The following MGMT variants were observed in gnomAD, a reference collection of about 807,000 sequenced individuals.
MGMT encodes O-6-methylguanine-DNA methyltransferase, also known as methylated-DNA--protein-cysteine methyltransferase.
Under a neutral mutation model 15.9 loss-of-function variants are expected in MGMT, and 14 were observed. That is an observed-to-expected ratio of 0.88 (90% confidence interval 0.58 to 1.37). The LOEUF is 1.37. Among genes scored for constraint, MGMT ranks in the 40% most tolerant of loss-of-function variants. The pLI, the probability that MGMT is intolerant of heterozygous loss-of-function variation, is 0.00. For missense variants in MGMT, 282 were observed against 268.1 expected (o/e 1.05, Z -0.36); for synonymous variants, 130 against 118.2 (o/e 1.10, Z -0.65).
At chr10:129,506,979 C>T (rs980243075) in intron 1 of MGMT, among the ~76,000 whole-genome samples, 1 of 152,180 alleles carries the variant, frequency 6.6e-6, no homozygotes, top group Non-Finnish European at 1.5e-5. Context: ...TTCACTCTGC[C>T]ACTTAGGGGC....
intron 1 of MGMT, among the ~76,000 whole-genome samples, chr10:129,474,606 G>C (rs1845269113): frequency 6.6e-6 from 1 of 152,198 alleles, no homozygotes; most frequent in African/African-American, 2.4e-5. Context: ...GCGTTCAGGC[G>C]AGGATGGCAG....
intron 1 of MGMT, among the ~76,000 whole-genome samples, chr10:129,512,256 C>G (rs1005590864): frequency 6.6e-6 from 1 of 152,288 alleles, no homozygotes; most frequent in African/African-American, 2.4e-5. Flanking sequence ...GTACTGCTTG[C>G]TTCTTGTTTT....
At chr10:129,625,006 T>A (rs1006888421) in intron 2 of MGMT, among the ~76,000 whole-genome samples, 3 of 152,126 alleles carry the variant, frequency 2.0e-5, no homozygotes, top group African/African-American at 7.2e-5. Flanking sequence ...GTCGTAAAAA[T>A]TTTCAAAATT....
chr10:129,496,262 G>A (rs528993939), intron 1 of MGMT, among the ~76,000 whole-genome samples: 4 of 152,092 alleles, frequency 2.6e-5, no homozygotes, highest in Admixed American at 2.0e-4. Context: ...GATGGACTTC[G>A]TTCCATCCCG....
chr10:129,704,572 G>C (rs1467722878), intron 2 of MGMT, among the ~76,000 whole-genome samples: 2 of 152,120 alleles, frequency 1.3e-5, no homozygotes, highest in African/African-American at 4.8e-5. Flanking sequence ...AGCCGGCTCT[G>C]CTGGGCTTGG....
intron 2 of MGMT, among the ~76,000 whole-genome samples, chr10:129,581,660 A>G (rs569924438): frequency 6.6e-6 from 1 of 152,324 alleles, no homozygotes; most frequent in South Asian, 2.1e-4. Flanking sequence ...TTCTTTAAAA[A>G]ACAAAACAGA....
intron 2 of MGMT, among the ~76,000 whole-genome samples, chr10:129,695,037 C>T (rs948580002): frequency 3.9e-5 from 6 of 152,138 alleles, no homozygotes; most frequent in African/African-American, 1.2e-4. Context: ...TGCCAGAAAG[C>T]GTGTTTTAAG....
At chr10:129,723,211 G>T (rs989674529) in intron 3 of MGMT, among the ~76,000 whole-genome samples, 2 of 151,942 alleles carry the variant, frequency 1.3e-5, no homozygotes, top group Admixed American at 6.6e-5. Context: ...GAGATTTTGT[G>T]CACCCATTAC....
At chr10:129,476,129 C>T (rs1045853202) in intron 1 of MGMT, among the ~76,000 whole-genome samples, 14 of 152,158 alleles carry the variant, frequency 9.2e-5, no homozygotes, top group Admixed American at 3.3e-4. Context: ...CAGAAGCAGT[C>T]GTTGAATTTT....
chr10:129,583,307 A>T (rs1846579039), intron 2 of MGMT, among the ~76,000 whole-genome samples: 1 of 152,214 alleles, frequency 6.6e-6, no homozygotes, highest in African/African-American at 2.4e-5. Flanking sequence ...ATAAAGACCC[A>T]TTATCATCAG....
chr10:129,486,023 C>T (rs1845404981), intron 1 of MGMT, among the ~76,000 whole-genome samples: 1 of 152,166 alleles, frequency 6.6e-6, no homozygotes, highest in African/African-American at 2.4e-5. Context: ...AATTTAAGTT[C>T]ATCTACCTTA....
At chr10:129,563,476 C>T (rs1213290479) in intron 2 of MGMT, among the ~76,000 whole-genome samples, 1 of 152,134 alleles carries the variant, frequency 6.6e-6, no homozygotes, top group Admixed American at 6.6e-5. Flanking sequence ...CATATACTCC[C>T]ATTCATGTAT....
intron 2 of MGMT, among the ~76,000 whole-genome samples, chr10:129,604,664 TGGG>T (rs1413845180): frequency 6.6e-6 from 1 of 151,464 alleles, no homozygotes; most frequent in Admixed American, 6.6e-5. Context: ...TCTTGGGAGT[TGGG>T]GGCTGCAGTG....
intron 2 of MGMT, among the ~76,000 whole-genome samples, chr10:129,619,138 T>C (rs1383519310): frequency 6.6e-6 from 1 of 152,184 alleles, no homozygotes; most frequent in African/African-American, 2.4e-5. Flanking sequence ...GAAGTTCTAT[T>C]CTTGTAGGCT....
intron 3 of MGMT, among the ~76,000 whole-genome samples, chr10:129,731,278 T>C (rs1274281760): frequency 6.6e-6 from 1 of 151,844 alleles, no homozygotes. Context: ...CTCTTTAAGA[T>C]GATTGACGAC....
chr10:129,476,024 G>T (rs1229065682), intron 1 of MGMT, among the ~76,000 whole-genome samples: 4 of 152,208 alleles, frequency 2.6e-5, no homozygotes, highest in Non-Finnish European at 5.9e-5. Context: ...GACTGGGGTG[G>T]GTGGTCCCTG....
chr10:129,694,403 T>A (rs551299817), intron 2 of MGMT: 2 of 152,304 alleles, frequency 1.3e-5, no homozygotes, highest in African/African-American at 4.8e-5. Flanking sequence ...GGCCTAGGCA[T>A]GGAGCTTACG....
rs1451831005 is a variant in MGMT at position 129,565,626 on chromosome 10, C to T, written c.125+29249C>T. The stretch of plus-strand genomic sequence containing the variant: ...TCACTAATTACACGGTGTGTACATG[C>T]GCACCTGTAACAGGAGCCGCGTGAA... On this transcript the variant is annotated intron_variant, in intron 2 of 4. Transcript: ENST00000651593. Among the ~76,000 whole-genome samples the T allele has an allele frequency of 2.0e-5, 3 of 152,142 alleles. No homozygotes were observed. In the South Asian group the frequency reaches 6.2e-4, roughly 32 times the overall value.
intron 4 of MGMT, among the ~76,000 whole-genome samples, chr10:129,763,331 A>C (rs1848896655): frequency 1.3e-5 from 2 of 152,186 alleles, no homozygotes; most frequent in Non-Finnish European, 2.9e-5. Flanking sequence ...TCATTATCTT[A>C]ATAGTCTGAA....
Sources: gnomAD v4.1 joint callset for allele counts (sites outside exome capture counted in the v4.1 genomes callset) on GRCh38, gnomAD v4.1.1 for gene constraint, MANE v1.5 for transcripts, NCBI Gene and HGNC (gene_info 2026-07-23, HGNC 2026-07-21) for gene names.